Variants in ZNF608 observed in about 807,000 individuals in gnomAD.
ZNF608 encodes renal carcinoma antigen NY-REN-36.
In ZNF608, 12 loss-of-function variants were observed where a neutral mutation model predicts 109.0. That is an observed-to-expected ratio of 0.11 (90% CI 0.07 to 0.18). The LOEUF is 0.18. Ranked by LOEUF, ZNF608 falls within the 10% of genes least tolerant of loss-of-function variation. The probability of loss-of-function intolerance (pLI) is 1.00; values close to 1 mark genes in which losing one functional copy is unlikely to be tolerated. For synonymous variants in ZNF608, 732 were observed against 717.4 expected, an observed-to-expected ratio of 1.02 and a Z score of -0.33; for missense variants, 1,707 against 1,879.3, an observed-to-expected ratio of 0.91 and a Z score of 1.70.
At chr5:124,649,225 A>C in intron 4 of ZNF608, 92 bp from the exon 5 acceptor site, 1 of 1,051,740 alleles carries the variant, frequency 9.5e-7, no homozygotes. Context: ...AGGAGTCAAC[A>C]CTCCAGTAGC....
chr5:124,643,800 T>C, intron 6 of ZNF608, 117 bp from the exon 7 acceptor site: 1 of 979,282 alleles, frequency 1.0e-6, no homozygotes, highest in Non-Finnish European at 1.5e-6. Context: ...GGGGTTACAT[T>C]AAGAATGGGC....
rs909640161 is a variant in ZNF608, at chr5:124,688,134, A to G, written c.1162+12880T>C. Among the ~76,000 whole-genome samples, 4 of 152,176 alleles carry G rather than the reference A, an allele frequency of 2.6e-5. No homozygotes were observed. In the East Asian group the frequency reaches 7.7e-4, roughly 29 times the overall value. ...TTCCAGTTCAGAATGGATGTTTGAC[A>G]GACTAATTTTCTCCCTTGAGTGTTT... On this transcript the variant is annotated intron_variant, in intron 3 of 9. Transcript: ENST00000513986.
intron 3 of ZNF608, among the ~76,000 whole-genome samples, chr5:124,662,685 A>G (rs1436442656): frequency 6.6e-6 from 1 of 152,234 alleles, no homozygotes; most frequent in African/African-American, 2.4e-5. Context: ...AAAGTAATGC[A>G]CTGTTAATTG....
chr5:124,746,206 T>G lies in ZNF608; in HGVS notation c.-195A>C. 1 of 985,404 alleles carries G rather than the reference T, an allele frequency of 1.0e-6. No homozygotes were observed. Among genetic ancestry groups the G allele is most frequent in the African/African-American group, 1.7e-5 (1 of 57,338 alleles). The allele number at this position is 985,404 out of a possible 1,614,324, so 61.0% of individuals were successfully genotyped here. A position where few individuals can be genotyped will look rare whatever the true frequency, so the allele number is the denominator to read the frequency against. Reference sequence around the variant, plus strand: ...CAGACATTGCTTACCTTTTAATCCTTTATCATTTTTTAATTAGGCCAGCAA... The same window carrying G: ...CAGACATTGCTTACCTTTTAATCCTGTATCATTTTTTAATTAGGCCAGCAA... On this transcript the variant is annotated 5_prime_UTR_variant, in exon 1 of 10. Transcript: ENST00000513986.
chr5:124,706,308 A>T (rs1192795851), intron 2 of ZNF608, among the ~76,000 whole-genome samples: 6 of 152,190 alleles, frequency 3.9e-5, no homozygotes, highest in Non-Finnish European at 5.9e-5. Flanking sequence ...AGATCATACA[A>T]ATAACTTTAG....
intron 2 of ZNF608, among the ~76,000 whole-genome samples, chr5:124,718,664 T>G (rs1265155038): frequency 1.3e-5 from 2 of 152,182 alleles, no homozygotes; most frequent in Non-Finnish European, 2.9e-5. Flanking sequence ...ATTCAGCCAC[T>G]AAAACAAGGC....
intron 2 of ZNF608, among the ~76,000 whole-genome samples, chr5:124,736,213 C>T (rs1045251521): frequency 6.6e-6 from 1 of 152,190 alleles, no homozygotes; most frequent in Non-Finnish European, 1.5e-5. Flanking sequence ...AACTAAAGTG[C>T]GGCTGTGCTA....
chr5:124,638,817 AC>A (rs1413694226), intron 9 of ZNF608: 37 of 1,113,372 alleles, frequency 3.3e-5, no homozygotes, highest in Non-Finnish European at 4.1e-5. Flanking sequence ...TCCATTTGCG[AC>A]TTTATCTTTA....
chr5:124,644,293 G>C lies in ZNF608; in HGVS notation c.4074C>G (p.Ser1358Arg), dbSNP rs1465331035. Reference sequence around the variant, plus strand: ...GAGAAACAGCCCGGTATGCAGGATGGCTGGGGTCGTACATCTGTGGGTAAG... The same window carrying C: ...GAGAAACAGCCCGGTATGCAGGATGCCTGGGGTCGTACATCTGTGGGTAAG... The part of the protein sequence containing the change: ...AYPYPQMYDP[S>R]HPAYRAVSPV... The change falls in exon 6 of 10, where the codon AGC becomes AGG. Residue 1358 changes from serine (S) to arginine (R), a missense_variant. Physicochemically the swap from Ser to Arg is moderately radical, Grantham distance 110. Coordinates refer to ENST00000513986, the MANE Select transcript of ZNF608 (RefSeq NM_020747.3). The C allele has an allele frequency of 6.2e-7, 1 of 1,613,730 alleles. No homozygotes were observed. The highest frequency in any genetic ancestry group is 1.1e-5 in the South Asian group (1 of 91,072).
intron 7 of ZNF608, among the ~76,000 whole-genome samples, chr5:124,642,448 T>C (rs1265096753): frequency 6.6e-6 from 1 of 152,186 alleles, no homozygotes; most frequent in African/African-American, 2.4e-5. Context: ...TCACGGGCAC[T>C]CAGCTTTGCT....
At position 124,739,979 on chromosome 5, in the gene ZNF608, A is replaced by G. The variant is rs115355091; in HGVS notation, c.906+4105T>C. Among the ~76,000 whole-genome samples, 902 of 152,264 alleles carry G rather than the reference A, an allele frequency of 5.9e-3. 9 individuals carry two copies. The highest frequency in any genetic ancestry group is 0.02 in the African/African-American group (813 of 41,564). ...AAGTCTTTATAACAGTCTAATTAAA[A>G]CCATCTTGCAGCCAAGCAATTTCAC... On this transcript the variant is annotated intron_variant, in intron 2 of 9. Transcript: ENST00000513986.
chr5:124,681,135 C>G (rs1752179649), intron 3 of ZNF608, among the ~76,000 whole-genome samples: 2 of 152,100 alleles, frequency 1.3e-5, no homozygotes, highest in African/African-American at 4.8e-5. Context: ...AACAAGAGGA[C>G]CAAGCTCAGA....
At chr5:124,730,939 G>C (rs1748866602) in intron 2 of ZNF608, among the ~76,000 whole-genome samples, 1 of 152,156 alleles carries the variant, frequency 6.6e-6, no homozygotes. Context: ...TTGGTAAAAA[G>C]CTTTCTTTCC....
Position 124,744,069 on chromosome 5 carries a change from G to T in ZNF608, c.906+15C>A, listed in dbSNP as rs759965668. 1.3e-6 allele frequency: 2 copies of T among 1,564,116 alleles called. No individual in the cohort carries two copies. The highest frequency in any genetic ancestry group is 1.7e-6 in the Non-Finnish European group (2 of 1,154,988). ...AGAGGAGAGTAGGACATCTAGGAAG[G>T]CGACTTTATCCTACCTTCTCAGTTT... On this transcript the variant is annotated intron_variant, in intron 2 of 9. Coordinates refer to ENST00000513986, the MANE Select transcript of ZNF608 (RefSeq NM_020747.3). This position sits in a 1 kb window ranked among gnomAD's most constrained non-coding sequence, Gnocchi z 4.5.
At chr5:124,689,512 T>C (rs1345583238) in intron 3 of ZNF608, among the ~76,000 whole-genome samples, 1 of 149,002 alleles carries the variant, frequency 6.7e-6, no homozygotes, top group Non-Finnish European at 1.5e-5. Context: ...ACTGAAGAAC[T>C]AGTTTCCAAA....
intron 3 of ZNF608, among the ~76,000 whole-genome samples, chr5:124,699,616 A>C (rs1180564594): frequency 6.6e-6 from 1 of 152,174 alleles, no homozygotes; most frequent in Non-Finnish European, 1.5e-5. Context: ...GCTATCTACA[A>C]ATATTTTTAT....
intron 3 of ZNF608, among the ~76,000 whole-genome samples, chr5:124,672,300 T>C (rs950781651): frequency 6.6e-6 from 1 of 152,060 alleles, no homozygotes; most frequent in Non-Finnish European, 1.5e-5. Context: ...TTGATCTGGA[T>C]CCCAAAGGCC....
intron 2 of ZNF608, among the ~76,000 whole-genome samples, chr5:124,714,837 G>A (rs1378498367): frequency 6.6e-6 from 1 of 152,174 alleles, no homozygotes; most frequent in Non-Finnish European, 1.5e-5. Context: ...CCAGATGACA[G>A]TTTTCAAATT....
chr5:124,663,038 G>C (rs1271135587), intron 3 of ZNF608, among the ~76,000 whole-genome samples: 1 of 152,226 alleles, frequency 6.6e-6, no homozygotes, highest in Non-Finnish European at 1.5e-5. Context: ...GAATGAGGTA[G>C]AAACCTATTA....
Sources: allele counts gnomAD v4.1 joint callset (sites outside exome capture counted in the v4.1 genomes callset), GRCh38; gene constraint gnomAD v4.1.1; non-coding constraint Gnocchi (gnomAD v3.1); transcripts MANE v1.5; gene names NCBI Gene and HGNC (gene_info 2026-07-23, HGNC 2026-07-21).